Variants in C16orf92 observed in about 807,000 individuals in gnomAD.
The protein encoded by C16orf92 is fertilization-influencing membrane protein 1, also known as fertilization-influencing membrane protein.
In C16orf92, 14 loss-of-function variants were observed where a neutral mutation model predicts 13.7. That is an observed-to-expected ratio of 1.02 (90% CI 0.67 to 1.60). The LOEUF is 1.60. Ranked by LOEUF, C16orf92 falls within the 40% of genes most tolerant of loss-of-function variation. The pLI, the probability that C16orf92 is intolerant of heterozygous loss-of-function variation, is 0.00. For missense variants in C16orf92, 116 were observed against 139.0 expected, an observed-to-expected ratio of 0.83 and a Z score of 0.83; for synonymous variants, 50 against 57.4, an observed-to-expected ratio of 0.87 and a Z score of 0.58.
intron 1 of C16orf92, 116 bp from the exon 2 acceptor site, chr16:30,023,611 C>A (rs777621401): frequency 1.9e-6 from 3 of 1,573,992 alleles, no homozygotes; most frequent in Middle Eastern, 1.7e-4. Context: ...TCAAGACCCT[C>A]CACAGCCTCT....
Position 30,024,201 on chromosome 16 carries a change from C to T in C16orf92, c.312-5C>T. ...CCTCTCCCCTCTGATCTCCATGCCC[C>T]ACAGAAACTTCCAGAAAGGGGCCTA... is the stretch of plus-strand genomic sequence containing the variant. On this transcript the variant is annotated splice_polypyrimidine_tract_variant and splice_region_variant and intron_variant, in intron 3 of 3. Transcript: ENST00000681219. 4 of 1,614,092 alleles carry T rather than the reference C, an allele frequency of 2.5e-6. No homozygotes were observed. The highest frequency in any genetic ancestry group is 3.4e-6 in the Non-Finnish European group (4 of 1,179,968).
intron 3 of C16orf92, 44 bp downstream of exon 3, chr16:30,024,130 C>T (rs905027022): frequency 1.9e-6 from 3 of 1,608,224 alleles, no homozygotes; most frequent in Non-Finnish European, 2.6e-6. Context: ...CCACCACCTT[C>T]CTTGGGAGCG....
At chr16:30,026,929 GC>G, downstream of C16orf92, 3 of 1,150,750 alleles carry the variant, frequency 2.6e-6, no homozygotes, top group Non-Finnish European at 3.8e-6. Context: ...CAGCACAGCA[GC>G]CCTGGACAGG....
chr16:30,023,480 C>T (rs1366604860), intron 1 of C16orf92, 76 bp downstream of exon 1: 14 of 1,471,850 alleles, frequency 9.5e-6, no homozygotes, highest in Admixed American at 1.9e-5. Flanking sequence ...CTTAGGGACT[C>T]GGAAGCCAAC....
chr16:30,023,746 C>T lies in C16orf92; in HGVS notation c.84C>T (p.Ala28=), dbSNP rs577320072. The change falls in exon 2 of 4, where the codon GCC becomes GCT. Residue 28 remains alanine, a synonymous_variant. Transcript: ENST00000681219. The part of the protein sequence containing the change: ...AIETAPRPKR[A]TASALGTESP... ...TCCTAGCACCCAGACCCAAGCGTGCCACGGCGTCAGCCCTGGGGACAGAGT... is the reference window on the plus strand; with the variant it reads ...TCCTAGCACCCAGACCCAAGCGTGCTACGGCGTCAGCCCTGGGGACAGAGT... 9.3e-6 allele frequency: 15 copies of T among 1,614,050 alleles called. No individual in the cohort carries two copies. The South Asian group carries it at 1.2e-4, about 13-fold the overall frequency.
downstream of C16orf92, chr16:30,025,065 C>T (rs1596727669): frequency 1.5e-6 from 1 of 666,846 alleles, no homozygotes; most frequent in South Asian, 2.3e-5. This position sits in a 1 kb window ranked among gnomAD's most constrained non-coding sequence, Gnocchi z 4.1. Flanking sequence ...TCGGGGTCAT[C>T]GTCAGTCCTG....
downstream of C16orf92, chr16:30,026,861 G>C (rs771650426): frequency 1.2e-6 from 2 of 1,607,888 alleles, no homozygotes; most frequent in Non-Finnish European, 1.7e-6. Flanking sequence ...GCAGAGAGAC[G>C]GGGTGGGGGA....
Position 30,023,252 on chromosome 16 carries a change from C to G in C16orf92, c.-89C>G. Reference sequence around the variant, plus strand: ...GTGAGGGATGGGGGAGGGGTCCCAGCTCCTAGCACTTTCTCCCCTCACCCC... The same window carrying G: ...GTGAGGGATGGGGGAGGGGTCCCAGGTCCTAGCACTTTCTCCCCTCACCCC... On this transcript the variant is annotated 5_prime_UTR_variant, in exon 1 of 4. Coordinates refer to ENST00000681219, the MANE Select transcript of C16orf92 (RefSeq NM_001109659.2). 2.5e-6 allele frequency: 3 copies of G among 1,205,044 alleles called. No individual in the cohort carries two copies. The highest frequency in any genetic ancestry group is 3.6e-6 in the Non-Finnish European group (3 of 837,330). 74.6% of individuals were successfully genotyped at this position (1,205,044 alleles called of 1,614,324 possible).
chr16:30,024,483 C>G lies in C16orf92; in HGVS notation c.*256C>G, dbSNP rs899072334. ...GTCTGTAAAGCACCTCCCAGGGTCC[C>G]CCGACCCCAGATTGGAGGAAGCCTT... is the stretch of plus-strand genomic sequence containing the variant. On this transcript the variant is annotated 3_prime_UTR_variant, in exon 4 of 4. Transcript: ENST00000681219. 5.4e-6 allele frequency: 3 copies of G among 560,056 alleles called. No homozygotes were observed. Among genetic ancestry groups the G allele is most frequent in the Non-Finnish European group, 9.4e-6 (3 of 318,576 alleles). The allele number at this position is 560,056 out of a possible 1,614,324, so 34.7% of individuals were successfully genotyped here. A position where few individuals can be genotyped will look rare whatever the true frequency, so the allele number is the denominator to read the frequency against.
chr16:30,023,428 C>G, intron 1 of C16orf92, 24 bp downstream of exon 1: 2 of 1,606,344 alleles, frequency 1.2e-6, no homozygotes, highest in Non-Finnish European at 1.7e-6. Flanking sequence ...TTGGGAGCAG[C>G]AGGAAGGCAG....
chr16:30,024,972 G>A, downstream of C16orf92: 4 of 501,256 alleles, frequency 8.0e-6, no homozygotes, highest in South Asian at 1.0e-4. Flanking sequence ...CAGCGCAAGG[G>A]TGTGCAGGAA....
At chr16:30,027,462 CCTCA>C, downstream of C16orf92, 2 of 422,800 alleles carry the variant, frequency 4.7e-6, no homozygotes, top group East Asian at 7.1e-5. Flanking sequence ...GCTCCACAGC[CCTCA>C]CTGTCATCCC....
At chr16:30,026,790 T>G, downstream of C16orf92, 1 of 1,614,048 alleles carries the variant, frequency 6.2e-7, no homozygotes, top group Non-Finnish European at 8.5e-7. Flanking sequence ...GGCGTAGATG[T>G]CGTAGATGAA....
Position 30,024,043 on chromosome 16 carries a change from G to A in C16orf92, c.268G>A (p.Val90Met), listed in dbSNP as rs755761545. The A allele has an allele frequency of 1.2e-6, 2 of 1,614,054 alleles. No homozygotes were observed. Residue 90 changes from valine to methionine, a missense_variant, in exon 3 of 4, where the codon GTG becomes ATG. Physicochemically the swap from Val to Met is conservative, Grantham distance 21. Transcript: ENST00000681219. Reference sequence around the variant, plus strand: ...CCATCACATCCTGGTGGGCTTGCTGGTGGTGGCGTTCTTCTTTCTCCTTTT... The same window carrying A: ...CCATCACATCCTGGTGGGCTTGCTGATGGTGGCGTTCTTCTTTCTCCTTTT... ...LFHHILVGLL[V>M]VAFFFLLFQF...
At chr16:30,023,547 C>A in intron 1 of C16orf92, 143 bp downstream of exon 1, 2 of 1,389,160 alleles carry the variant, frequency 1.4e-6, no homozygotes, top group Non-Finnish European at 1.0e-6. Flanking sequence ...GTCCCACCTA[C>A]CCCCCAACAA....
downstream of C16orf92, chr16:30,024,993 T>A: frequency 1.9e-6 from 1 of 520,220 alleles, no homozygotes; most frequent in Non-Finnish European, 3.3e-6. Context: ...GGGGGCAGAG[T>A]AGGGGGAAGA....
chr16:30,026,873 C>A, downstream of C16orf92: 1 of 1,592,052 alleles, frequency 6.3e-7, no homozygotes, highest in Non-Finnish European at 8.6e-7. Flanking sequence ...GGTGGGGGAG[C>A]AAGGAGGAAA....
chr16:30,024,908 C>T (rs753855531), downstream of C16orf92: 3 of 403,084 alleles, frequency 7.4e-6, no homozygotes, highest in Admixed American at 1.3e-4. Context: ...GGTGTCCCTC[C>T]CCACAAGCCC....
downstream of C16orf92, chr16:30,026,508 T>A: frequency 1.0e-6 from 1 of 995,024 alleles, no homozygotes; most frequent in Non-Finnish European, 1.5e-6. Context: ...TCTGCTTGGT[T>A]GTCAGTACGC....
Sources: allele counts gnomAD v4.1 joint callset, GRCh38; gene constraint gnomAD v4.1.1; non-coding constraint Gnocchi (gnomAD v3.1); transcripts MANE v1.5; gene names NCBI Gene and HGNC (gene_info 2026-07-23, HGNC 2026-07-21).